Variants in CREBBP observed in about 807,000 individuals in gnomAD.
CREBBP encodes the protein CREB binding lysine acetyltransferase.
In CREBBP, 19 loss-of-function variants were observed where a neutral mutation model predicts 265.0. The observed-to-expected ratio is 0.07, with a 90% CI of 0.05 to 0.11. The LOEUF (loss-of-function observed/expected upper bound fraction) is 0.11. Among genes scored for constraint, CREBBP ranks in the 10% least tolerant of loss-of-function variants. The pLI is 1.00. For synonymous variants in CREBBP, 1,457 were observed against 1,223.7 expected (o/e 1.19, Z -3.98); for missense variants, 2,525 against 3,219.0 (o/e 0.78, Z 5.22).
At chr16:3,780,215 C>T (rs1480336445) in intron 8 of CREBBP, among the ~76,000 whole-genome samples, 2 of 130,938 alleles carry the variant, frequency 1.5e-5, no homozygotes. Context: ...GCACTCCAGT[C>T]TAAGCAACAG....
intron 2 of CREBBP, among the ~76,000 whole-genome samples, chr16:3,826,362 G>A (rs1459621673): frequency 6.6e-6 from 1 of 152,198 alleles, no homozygotes; most frequent in Non-Finnish European, 1.5e-5. Context: ...TTTGCCTAAA[G>A]AAGGTAGAAT....
Position 3,770,835 on chromosome 16 carries a change from G to C in CREBBP, c.2615C>G (p.Thr872Arg), listed in dbSNP as rs747877878. 3 of 1,614,020 alleles carry C rather than the reference G, an allele frequency of 1.9e-6. No individual in the cohort carries two copies. Among genetic ancestry groups the C allele is most frequent in the Non-Finnish European group, 2.5e-6 (3 of 1,179,990 alleles). Residue 872 changes from threonine to arginine, a missense_variant, in exon 14 of 31, where the codon ACG (threonine) becomes AGG (arginine). Coordinates refer to ENST00000262367, the MANE Select transcript of CREBBP (RefSeq NM_004380.3). Reference sequence around the variant, plus strand: ...GGGAGGAGTCATCCCAGGTGGTGTCGTGTGCTGGAGAGATGGCATGCCAGC... The same window carrying C: ...GGGAGGAGTCATCCCAGGTGGTGTCCTGTGCTGGAGAGATGGCATGCCAGC... ...TAAGMPSLQHTTPPGMTPPQP... is the reference protein window; with the variant it reads ...TAAGMPSLQHRTPPGMTPPQP...
At chr16:3,842,708 T>TA (rs901776347) in intron 2 of CREBBP, among the ~76,000 whole-genome samples, 98 of 152,234 alleles carry the variant, frequency 6.4e-4, no homozygotes, top group African/African-American at 2.2e-3. Flanking sequence ...CTCATGCCTG[T>TA]AACCTCAGCA....
intron 3 of CREBBP, among the ~76,000 whole-genome samples, chr16:3,807,793 T>C (rs759821340): frequency 4.6e-5 from 7 of 152,164 alleles, no homozygotes; most frequent in East Asian, 1.9e-4. Flanking sequence ...GGGGAGACCA[T>C]GTGTGCTGGT....
At chr16:3,810,460 G>C (rs2053915510) in intron 3 of CREBBP, 143 bp downstream of exon 3, 1 of 909,532 alleles carries the variant, frequency 1.1e-6, no homozygotes, top group Admixed American at 1.9e-5. Flanking sequence ...CATTTAGAGA[G>C]CTACTCATGA....
At chr16:3,737,035 T>C (rs1348483655) in intron 26 of CREBBP, 7 of 618,330 alleles carry the variant, frequency 1.1e-5, no homozygotes, top group Admixed American at 5.2e-5. Context: ...TCCCTTGGGG[T>C]GCACACACAG....
chr16:3,736,057 A>G lies in CREBBP; in HGVS notation c.4707T>C (p.Thr1569=), dbSNP rs781318300. ...EEEERKKEES[T]AASETTEGSQ... ...GTACCTCAGTGGTTTCACTGGCTGCAGTGCTCTCTTCCTTTTTCCTCTCCT... is the reference window on the plus strand; with the variant it reads ...GTACCTCAGTGGTTTCACTGGCTGCGGTGCTCTCTTCCTTTTTCCTCTCCT... Residue 1569 remains threonine, a synonymous_variant, in exon 28 of 31, where the codon ACT becomes ACC. Transcript: ENST00000262367. The G allele has an allele frequency of 3.1e-6, 5 of 1,614,216 alleles. No individual in the cohort carries two copies. The highest frequency in any genetic ancestry group is 4.2e-6 in the Non-Finnish European group (5 of 1,180,026).
chr16:3,866,430 G>A (rs1203035934), intron 1 of CREBBP, among the ~76,000 whole-genome samples: 2 of 152,024 alleles, frequency 1.3e-5, no homozygotes, highest in Non-Finnish European at 2.9e-5. Flanking sequence ...GCCTCTTAGG[G>A]GTAATTTGTA....
intron 21 of CREBBP, 48 bp downstream of exon 21, chr16:3,749,579 G>A (rs1166626192): frequency 1.4e-5 from 19 of 1,381,434 alleles, no homozygotes; most frequent in African/African-American, 4.3e-5. Context: ...TAACTTTACC[G>A]ATTTCAAACC....
chr16:3,802,006 T>G (rs1196038518), intron 3 of CREBBP, among the ~76,000 whole-genome samples: 1 of 152,028 alleles, frequency 6.6e-6, no homozygotes, highest in Admixed American at 6.6e-5. Context: ...CCACAGGCTC[T>G]TTGCATGTGT....
At chr16:3,871,193 T>TCA (rs1416407577) in intron 1 of CREBBP, among the ~76,000 whole-genome samples, 64 of 142,608 alleles carry the variant, frequency 4.5e-4, no homozygotes, top group African/African-American at 1.6e-3. Flanking sequence ...TCTCTCTCTC[T>TCA]CTCACTCACA....
chr16:3,729,965 G>A, intron 30 of CREBBP, 91 bp from the exon 31 acceptor site: 1 of 1,553,400 alleles, frequency 6.4e-7, no homozygotes, highest in Non-Finnish European at 8.7e-7. Flanking sequence ...CTAAGTCTGG[G>A]TCTGTGCCAG....
intron 2 of CREBBP, among the ~76,000 whole-genome samples, chr16:3,843,145 C>T (rs1234853189): frequency 2.0e-5 from 3 of 152,044 alleles, no homozygotes; most frequent in African/African-American, 4.8e-5. Flanking sequence ...AAAGAACAGG[C>T]TGCATTGCAT....
intron 3 of CREBBP, among the ~76,000 whole-genome samples, chr16:3,801,638 C>T (rs1431072597): frequency 6.6e-6 from 1 of 152,082 alleles, no homozygotes; most frequent in East Asian, 1.9e-4. Context: ...CCACTGCACT[C>T]CAGCTTGTGC....
chr16:3,849,389 G>C (rs1431283743), intron 2 of CREBBP, among the ~76,000 whole-genome samples: 1 of 1,764 alleles, frequency 5.7e-4, no homozygotes, highest in East Asian at 0.17. Flanking sequence ...GTGTGTGTGT[G>C]TGTGTGTGTG....
intron 1 of CREBBP, among the ~76,000 whole-genome samples, chr16:3,874,076 G>A (rs1344256070): frequency 2.6e-5 from 4 of 152,212 alleles, no homozygotes; most frequent in East Asian, 3.9e-4. Flanking sequence ...TGACAAAGAC[G>A]GACGAGAAAT....
chr16:3,770,868 G>A lies in CREBBP; in HGVS notation c.2582C>T (p.Ser861Phe), dbSNP rs201366304. Residue 861 changes from serine to phenylalanine, a missense_variant, in exon 14 of 31, where the codon TCC (serine) becomes TTC (phenylalanine). Around this residue, in one of 19 missense-constraint regions of CREBBP, gnomAD observed 548 missense variants for 533.0 expected, o/e 1.03. Transcript: ENST00000262367. ...GAGAGATGGCATGCCAGCAGCCGTG[G>A]AAGCAGGAGGCGGTGTTGGGTGCAG... ...SPLHPTPPPASTAAGMPSLQH... is the reference protein window; with the variant it reads ...SPLHPTPPPAFTAAGMPSLQH... The A allele has an allele frequency of 1.9e-6, 3 of 1,613,958 alleles. No individual in the cohort carries two copies.
At chr16:3,859,448 C>A (rs1380351173) in intron 1 of CREBBP, among the ~76,000 whole-genome samples, 1 of 152,176 alleles carries the variant, frequency 6.6e-6, no homozygotes, top group Non-Finnish European at 1.5e-5. Flanking sequence ...TCCGCCTCGG[C>A]CTCACAAATT....
At chr16:3,735,886 A>G (rs1414554282) in intron 28 of CREBBP, 150 bp downstream of exon 28, 17 of 1,222,134 alleles carry the variant, frequency 1.4e-5, no homozygotes, top group Admixed American at 3.8e-5. Flanking sequence ...CTGCCCACCA[A>G]CGCCCTGTGC....
Sources: allele counts gnomAD v4.1 joint callset (sites outside exome capture counted in the v4.1 genomes callset), GRCh38; gene constraint gnomAD v4.1.1; regional missense constraint gnomAD v4.1.1; transcripts MANE v1.5; gene names NCBI Gene and HGNC (gene_info 2026-07-23, HGNC 2026-07-21).